The following FBXL16 variants were observed in gnomAD, a reference collection of about 807,000 sequenced individuals.
FBXL16 encodes F-box/LRR-repeat protein 16.
Under a neutral mutation model 36.7 loss-of-function variants are expected in FBXL16, and 7 were observed. The ratio of observed to expected loss-of-function variants is 0.19; its 90% CI spans 0.11 to 0.36. The LOEUF (loss-of-function observed/expected upper bound fraction) is 0.36. FBXL16 is among the 10% of genes least tolerant of loss of function. FBXL16 has a pLI of 1.00. For synonymous variants in FBXL16, 355 were observed against 308.7 expected, an observed-to-expected ratio of 1.15 and a Z score of -1.57; for missense variants, 463 against 659.4, an observed-to-expected ratio of 0.70 and a Z score of 3.26.
intron 1 of FBXL16, among the ~76,000 whole-genome samples, chr16:702,488 G>T (rs2040064744): frequency 6.6e-6 from 1 of 152,194 alleles, no homozygotes. Flanking sequence ...GCACCAACGT[G>T]CATGGCCTCT....
chr16:698,218 G>T (rs1200379176), intron 1 of FBXL16, among the ~76,000 whole-genome samples: 1 of 151,896 alleles, frequency 6.6e-6, no homozygotes, highest in African/African-American at 2.4e-5. Flanking sequence ...GGTCAGGCTG[G>T]TCTCAAACTC....
In FBXL16 at chr16:697,191, C is replaced by T. The variant is rs1301951394; in HGVS notation, c.215G>A (p.Gly72Asp). 4 of 1,550,928 alleles carry T rather than the reference C, an allele frequency of 2.6e-6. No homozygotes were observed. The highest frequency in any genetic ancestry group is 3.5e-6 in the Non-Finnish European group (4 of 1,152,996). ...TGGTCCACCTGCCGGGGTGCACGGG[C>T]CCCCAGCCAGGGCAGCCCGGGACAG... ...APLSRAALAGGPCTPAGGPAS... is the reference protein window; with the variant it reads ...APLSRAALAGDPCTPAGGPAS... The change falls in exon 2 of 6, where the codon GGC becomes GAC. Residue 72 changes from glycine (G) to aspartate (D), a missense_variant. Coordinates refer to ENST00000397621, the MANE Select transcript of FBXL16 (RefSeq NM_153350.4). The surrounding 1 kb of genome is among the most constrained non-coding windows in gnomAD (Gnocchi z 4.6).
chr16:695,290 C>T (rs528344570), intron 3 of FBXL16, 125 bp downstream of exon 3: 2 of 1,188,092 alleles, frequency 1.7e-6, no homozygotes, highest in Admixed American at 3.3e-5. Context: ...AGGGCTCTGC[C>T]CGCCGCGCCA....
Position 692,947 on chromosome 16 carries a change from C to T in FBXL16, c.*1328G>A, listed in dbSNP as rs938105941. On this transcript the variant is annotated 3_prime_UTR_variant, in exon 6 of 6. Transcript: ENST00000397621. ...TTTCTCTCTCTCACTCTCTGGCTCT[C>T]TGGAAACTGGTTACTCTCTTCCAAC... is the stretch of plus-strand genomic sequence containing the variant. The T allele has an allele frequency of 6.6e-6, 1 of 152,326 alleles. No individual in the cohort carries two copies. The highest frequency in any genetic ancestry group is 2.4e-5 in the African/African-American group (1 of 41,424). The allele number at this position is 152,326 out of a possible 1,614,324, so 9.4% of individuals were successfully genotyped here. A position where few individuals can be genotyped will look rare whatever the true frequency, so the allele number is the denominator to read the frequency against.
Position 694,706 on chromosome 16 carries a change from AG to A in FBXL16, c.1228-10del. 2 of 1,600,988 alleles carry A rather than the reference AG, an allele frequency of 1.2e-6. No individual in the cohort carries two copies. The highest frequency in any genetic ancestry group is 1.7e-6 in the Non-Finnish European group (2 of 1,173,994). On this transcript the variant is annotated splice_polypyrimidine_tract_variant and intron_variant, in intron 4 of 5. Coordinates refer to ENST00000397621, the MANE Select transcript of FBXL16 (RefSeq NM_153350.4). ...AGCCCGAAGTCTTGCACCTGTCGGG[AG>A]TGGAGGAGCGACTTAACGATTTCCG...
chr16:703,834 G>A (rs924825012), intron 1 of FBXL16, among the ~76,000 whole-genome samples: 1 of 152,218 alleles, frequency 6.6e-6, no homozygotes, highest in South Asian at 2.1e-4. Context: ...CTGGGGAGTG[G>A]GTGCTGGGAT....
At chr16:699,325 C>T (rs2040039308) in intron 1 of FBXL16, among the ~76,000 whole-genome samples, 1 of 152,214 alleles carries the variant, frequency 6.6e-6, no homozygotes, top group Non-Finnish European at 1.5e-5. Context: ...GGGCACTGGG[C>T]ACAGCCACGG....
rs756565272 is a variant in FBXL16, at chr16:694,301, G to C, written c.1414C>G (p.Leu472Val). ...TACTCAATGACGAGGCAGCGGGGCA[G>C]GTGCTGCGAGAAATACTTGAAGAGC... ...PELFKYFSQH[L>V]PRCLVIE Residue 472 changes from leucine to valine, a missense_variant, in exon 6 of 6, where the codon CTG becomes GTG. Around this residue, in one of 3 missense-constraint regions of FBXL16, gnomAD observed 134 missense variants for 172.0 expected, o/e 0.78. Coordinates refer to ENST00000397621, the MANE Select transcript of FBXL16 (RefSeq NM_153350.4). 3.4e-6 allele frequency: 5 copies of C among 1,457,952 alleles called. No individual in the cohort carries two copies. Among genetic ancestry groups the C allele is most frequent in the South Asian group, 1.5e-5 (1 of 68,824 alleles). The allele number at this position is 1,457,952 out of a possible 1,614,324, so 90.3% of individuals were successfully genotyped here.
At chr16:701,316 C>A (rs2040054856) in intron 1 of FBXL16, among the ~76,000 whole-genome samples, 1 of 152,218 alleles carries the variant, frequency 6.6e-6, no homozygotes, top group Non-Finnish European at 1.5e-5. Context: ...AGCCCTCGAC[C>A]CGTGTGCTTG....
At chr16:704,069 C>A (rs550156280) in intron 1 of FBXL16, among the ~76,000 whole-genome samples, 1 of 152,364 alleles carries the variant, frequency 6.6e-6, no homozygotes, top group South Asian at 2.1e-4. Flanking sequence ...CCACAGAGCT[C>A]CCTTCACTGC....
In FBXL16 at chr16:694,715, G is replaced by C. The variant is rs1038663640; in HGVS notation, c.1228-18C>G. 1 of 1,595,640 alleles carries C rather than the reference G, an allele frequency of 6.3e-7. No homozygotes were observed. The highest frequency in any genetic ancestry group is 8.5e-7 in the Non-Finnish European group (1 of 1,171,122). On this transcript the variant is annotated intron_variant, in intron 4 of 5. Transcript: ENST00000397621. Reference sequence around the variant, plus strand: ...TCTTGCACCTGTCGGGAGTGGAGGAGCGACTTAACGATTTCCGCTCGCACC... The same window carrying C: ...TCTTGCACCTGTCGGGAGTGGAGGACCGACTTAACGATTTCCGCTCGCACC...
Position 694,523 on chromosome 16 carries a change from T to G in FBXL16, c.1292-100A>C, listed in dbSNP as rs563651863. 1.3e-4 allele frequency: 197 copies of G among 1,507,922 alleles called. No homozygotes were observed. The African/African-American group carries it at 2.5e-3, about 19-fold the overall frequency. The allele number at this position is 1,507,922 out of a possible 1,614,324, so 93.4% of individuals were successfully genotyped here. A position where few individuals can be genotyped will look rare whatever the true frequency, so the allele number is the denominator to read the frequency against. On this transcript the variant is annotated intron_variant, in intron 5 of 5. Transcript: ENST00000397621. ...TCCTCCTCCGCCTCGGACCCGGGAC[T>G]GTGTGTCCGCGCCGGGTGTGAGTTT...
At position 705,503 on chromosome 16, in the gene FBXL16, G is replaced by T. The variant is rs1370464471; in HGVS notation, c.-15+9C>A. The T allele has an allele frequency of 7.0e-6, 1 of 142,762 alleles. No individual in the cohort carries two copies. Among genetic ancestry groups the T allele is most frequent in the African/African-American group, 2.5e-5 (1 of 39,302 alleles). 8.8% of individuals were successfully genotyped at this position (142,762 alleles called of 1,614,324 possible). A position where few individuals can be genotyped will look rare whatever the true frequency, so the allele number is the denominator to read the frequency against. On this transcript the variant is annotated intron_variant, in intron 1 of 5. Transcript: ENST00000397621. Reference sequence around the variant, plus strand: ...CCGGCCCCGCAGCCCGGCCGCACGCGCACCTTACCTCGGCCCGGGCTCCTG... The same window carrying T: ...CCGGCCCCGCAGCCCGGCCGCACGCTCACCTTACCTCGGCCCGGGCTCCTG...
chr16:694,531 C>T lies in FBXL16; in HGVS notation c.1291+103G>A, dbSNP rs142310430. 1.5e-3 allele frequency: 2,217 copies of T among 1,512,540 alleles called. 33 individuals carry two copies. The African/African-American group carries it at 0.027, about 19-fold the overall frequency. The allele number at this position is 1,512,540 out of a possible 1,614,324, so 93.7% of individuals were successfully genotyped here. A position where few individuals can be genotyped will look rare whatever the true frequency, so the allele number is the denominator to read the frequency against. On this transcript the variant is annotated intron_variant, in intron 5 of 5. Transcript: ENST00000397621. ...CGCCTCGGACCCGGGACTGTGTGTC[C>T]GCGCCGGGTGTGAGTTTGCACAAGG...
chr16:698,229 C>T (rs1030892678), intron 1 of FBXL16, among the ~76,000 whole-genome samples: 1 of 152,048 alleles, frequency 6.6e-6, no homozygotes, highest in African/African-American at 2.4e-5. Flanking sequence ...TCTCAAACTC[C>T]TGACCTCAAG....
chr16:692,512 T>G lies in FBXL16; in HGVS notation c.*1763A>C, dbSNP rs986372018. ...CAACTCAGACACATGTTTTTACAAC[T>G]TTTTTAATATATATTTTTATAAACA... On this transcript the variant is annotated 3_prime_UTR_variant, in exon 6 of 6. Transcript: ENST00000397621. 1 of 152,376 alleles carries G rather than the reference T, an allele frequency of 6.6e-6. No individual in the cohort carries two copies. The highest frequency in any genetic ancestry group is 2.1e-4 in the South Asian group (1 of 4,826). 9.4% of individuals were successfully genotyped at this position (152,376 alleles called of 1,614,324 possible). A position where few individuals can be genotyped will look rare whatever the true frequency, so the allele number is the denominator to read the frequency against.
In FBXL16 at chr16:696,901, C is replaced by T; in HGVS notation, c.505G>A (p.Glu169Lys). 4 of 1,610,576 alleles carry T rather than the reference C, an allele frequency of 2.5e-6. No homozygotes were observed. Among genetic ancestry groups the T allele is most frequent in the Non-Finnish European group, 3.4e-6 (4 of 1,179,152 alleles). ...GAGACGCCAACCAGGCAGAAGCCCT[C>T]GAAGCCTCTGGCGGCAAAACCCTGC... The part of the protein sequence containing the change: ...NLQGFAARGF[E>K]GFCLVGVSDL... Residue 169 changes from glutamate to lysine, a missense_variant, in exon 2 of 6, where the codon GAG becomes AAG. Glu to Lys is a moderately conservative substitution (Grantham distance 56). Around this residue, in one of 3 missense-constraint regions of FBXL16, gnomAD observed 263 missense variants for 341.1 expected, o/e 0.77. Transcript: ENST00000397621.
At chr16:701,011 C>A (rs1301902084) in intron 1 of FBXL16, among the ~76,000 whole-genome samples, 3 of 152,152 alleles carry the variant, frequency 2.0e-5, no homozygotes, top group Admixed American at 6.5e-5. Flanking sequence ...GGCGCAGTGC[C>A]GATTTAGGTT....
At chr16:701,768 C>A (rs1352883345) in intron 1 of FBXL16, among the ~76,000 whole-genome samples, 2 of 152,216 alleles carry the variant, frequency 1.3e-5, no homozygotes, top group African/African-American at 4.8e-5. Context: ...ACAAGCAGCC[C>A]GGGTGCTAAT....
Sources: allele counts gnomAD v4.1 joint callset (sites outside exome capture counted in the v4.1 genomes callset), GRCh38; gene constraint gnomAD v4.1.1; regional missense constraint gnomAD v4.1.1; non-coding constraint Gnocchi (gnomAD v3.1); transcripts MANE v1.5; gene names NCBI Gene and HGNC (gene_info 2026-07-23, HGNC 2026-07-21).